MAP3K15: variants seen among roughly 807,000 people sequenced by gnomAD.
MAP3K15 encodes mitogen-activated protein kinase kinase kinase 15.
A neutral mutation model predicts 99.5 loss-of-function variants in MAP3K15; 124 were observed. The ratio of observed to expected loss-of-function variants is 1.25; its 90% CI spans 1.08 to 1.45. The LOEUF (loss-of-function observed/expected upper bound fraction) is 1.45, where lower values mean the gene tolerates loss of function less well. MAP3K15 is among the 40% of genes most tolerant of loss of function. MAP3K15 has a pLI of 0.00. For synonymous variants in MAP3K15, 494 were observed against 439.6 expected (o/e 1.12, Z -1.55); for missense variants, 1,242 against 1,079.7 (o/e 1.15, Z -2.11).
At chrX:19,373,930 G>A (rs1258057580) in intron 20 of MAP3K15, among the ~76,000 whole-genome samples, 2 of 111,401 alleles carry the variant, frequency 1.8e-5, no homozygotes, top group Non-Finnish European at 3.8e-5. Context: ...TTCTGACCCC[G>A]ATCGGTACCA....
chrX:19,380,801 G>A (rs1311751882), intron 18 of MAP3K15, among the ~76,000 whole-genome samples: 3 of 112,942 alleles, frequency 2.7e-5, no homozygotes, highest in Admixed American at 1.9e-4. Flanking sequence ...GATTATAGGC[G>A]TGAGCCACTG....
At chrX:19,448,205 A>G (rs1000747259) in intron 6 of MAP3K15, among the ~76,000 whole-genome samples, 3 of 109,412 alleles carry the variant, frequency 2.7e-5, no homozygotes, top group African/African-American at 6.5e-5. Flanking sequence ...TGCAGCTAAC[A>G]GGGAATGTCC....
chrX:19,381,819 C>T (rs1170854220), intron 18 of MAP3K15, among the ~76,000 whole-genome samples: 2 of 112,025 alleles, frequency 1.8e-5, no homozygotes, highest in East Asian at 5.6e-4. Flanking sequence ...ACAGCAGCTC[C>T]TGGGGGCTGG....
intron 25 of MAP3K15, among the ~76,000 whole-genome samples, chrX:19,365,023 G>T (rs1458265152): frequency 9.1e-6 from 1 of 110,055 alleles, no homozygotes; most frequent in African/African-American, 3.3e-5. Flanking sequence ...GGCCAATATG[G>T]TGAAACCCCG....
rs1172939190 is a variant in MAP3K15, at chrX:19,455,271, T to C, written c.995+1642A>G. ...ATTCTGCTTCCAAACGGGAAACGTA[T>C]TCATCTCAGGATCACCTCATCCTGC... On this transcript the variant is annotated intron_variant, in intron 6 of 28. Coordinates refer to ENST00000338883, the MANE Select transcript of MAP3K15 (RefSeq NM_001001671.4). Among the ~76,000 whole-genome samples, 3 of 110,645 alleles carry C rather than the reference T, an allele frequency of 2.7e-5. No individual in the cohort carries two copies. The East Asian group carries it at 8.5e-4, about 31-fold the overall frequency.
chrX:19,377,970 C>T (rs1243950701), intron 19 of MAP3K15, among the ~76,000 whole-genome samples: 1 of 112,245 alleles, frequency 8.9e-6, no homozygotes, highest in Non-Finnish European at 1.9e-5. Context: ...TGAGACCCTT[C>T]TGCAGGGGCC....
chrX:19,360,702 A>C lies in MAP3K15; in HGVS notation c.*47T>G, dbSNP rs1371599788. ...TATACACTAACAGAAGCTTTAACAA[A>C]ACATGTAGCGTGGTGGGACACTCTG... On this transcript the variant is annotated 3_prime_UTR_variant, in exon 29 of 29. Transcript: ENST00000338883. 2.0e-6 allele frequency: 2 copies of C among 1,012,852 alleles called. No homozygotes were observed. Among genetic ancestry groups the C allele is most frequent in the Admixed American group, 4.7e-5 (2 of 42,484 alleles). The allele number at this position is 1,012,852 out of a possible 1,213,427, so 83.5% of individuals were successfully genotyped here.
At position 19,369,302 on chromosome X, in the gene MAP3K15, G is replaced by A. The variant is rs1280906015; in HGVS notation, c.3401-83C>T. The A allele has an allele frequency of 1.5e-5, 17 of 1,099,486 alleles. No homozygotes were observed. In the African/African-American group the frequency reaches 1.8e-4, roughly 12 times the overall value. 90.6% of individuals were successfully genotyped at this position (1,099,486 alleles called of 1,213,427 possible). Reference sequence around the variant, plus strand: ...TCGCAGACACCCAGGTCAGCAAACCGGGCTGTTCAGAAGCTGGCCCAGCCC... The same window carrying A: ...TCGCAGACACCCAGGTCAGCAAACCAGGCTGTTCAGAAGCTGGCCCAGCCC... On this transcript the variant is annotated intron_variant, in intron 24 of 28. Transcript: ENST00000338883.
intron 25 of MAP3K15, among the ~76,000 whole-genome samples, chrX:19,365,616 T>C (rs1171082287): frequency 8.9e-6 from 1 of 112,660 alleles, no homozygotes; most frequent in African/African-American, 3.2e-5. Context: ...CTTACATACC[T>C]AGTACATGGG....
At chrX:19,483,885 G>C (rs1194234008) in intron 3 of MAP3K15, among the ~76,000 whole-genome samples, 2 of 111,704 alleles carry the variant, frequency 1.8e-5, no homozygotes, top group African/African-American at 3.3e-5. Context: ...TTCAGAAAGA[G>C]GATAGCATTT....
chrX:19,490,600 T>C (rs2064362080), intron 1 of MAP3K15, among the ~76,000 whole-genome samples: 1 of 109,504 alleles, frequency 9.1e-6, no homozygotes, highest in Non-Finnish European at 1.9e-5. Context: ...ATACAAAAAA[T>C]TAGCCGGGTG....
intron 1 of MAP3K15, among the ~76,000 whole-genome samples, chrX:19,513,617 C>T (rs191532695): frequency 2.7e-5 from 3 of 111,541 alleles, no homozygotes; most frequent in Admixed American, 1.9e-4. Flanking sequence ...AACAGATCTG[C>T]GCTGCCTCCA....
At chrX:19,387,405 T>C (rs2063500321) in intron 18 of MAP3K15, among the ~76,000 whole-genome samples, 1 of 111,736 alleles carries the variant, frequency 8.9e-6, no homozygotes, top group Admixed American at 9.5e-5. Flanking sequence ...GATTGACTGA[T>C]TGACAGGGTC....
At chrX:19,445,985 T>TAAATAAATAAAC (rs1569227702) in intron 6 of MAP3K15, among the ~76,000 whole-genome samples, 1 of 110,330 alleles carries the variant, frequency 9.1e-6, no homozygotes, top group African/African-American at 3.3e-5. Context: ...AATAAATAAA[T>TAAATAAATAAAC]ATTAATCAGC....
intron 25 of MAP3K15, among the ~76,000 whole-genome samples, chrX:19,364,393 G>A (rs143901605): frequency 2.8e-4 from 31 of 111,455 alleles, no homozygotes; most frequent in African/African-American, 9.5e-4. Context: ...AGAAAACAGT[G>A]CCCCCAAATG....
chrX:19,460,743 CTGTT>C (rs1258516141), intron 4 of MAP3K15, among the ~76,000 whole-genome samples: 1 of 107,832 alleles, frequency 9.3e-6, no homozygotes, highest in African/African-American at 3.4e-5. Context: ...GCCAGATGTT[CTGTT>C]TTTTTGTTTT....
intron 1 of MAP3K15, 130 bp downstream of exon 1, chrX:19,514,771 G>T (rs2064548191): frequency 1.2e-5 from 1 of 80,309 alleles, no homozygotes; most frequent in Non-Finnish European, 2.1e-5. Context: ...GGAGGGGAGG[G>T]GGACGAGGGG....
intron 9 of MAP3K15, among the ~76,000 whole-genome samples, chrX:19,424,984 C>A (rs989507437): frequency 9.1e-6 from 1 of 110,332 alleles, no homozygotes; most frequent in Non-Finnish European, 1.9e-5. Context: ...TGACACACAA[C>A]AGAATTTGAG....
At chrX:19,428,565 G>A (rs1410342137) in intron 7 of MAP3K15, among the ~76,000 whole-genome samples, 1 of 112,529 alleles carries the variant, frequency 8.9e-6, no homozygotes, top group African/African-American at 3.2e-5. Flanking sequence ...TAGTGACAAT[G>A]TAAGCAAGAA....
Sources: gnomAD v4.1 joint callset for allele counts (sites outside exome capture counted in the v4.1 genomes callset) on GRCh38, gnomAD v4.1.1 for gene constraint, MANE v1.5 for transcripts, NCBI Gene and HGNC (gene_info 2026-07-23, HGNC 2026-07-21) for gene names.